The following MLLT3 variants were observed in gnomAD, a reference collection of about 807,000 sequenced individuals.
MLLT3 encodes MLLT3 super elongation complex subunit, also known as protein AF-9.
In MLLT3, 4 loss-of-function variants were observed where a neutral mutation model predicts 53.2. That is an observed-to-expected ratio of 0.08 (90% CI 0.04 to 0.17). The LOEUF is 0.17. Among genes scored for constraint, MLLT3 ranks in the 10% least tolerant of loss-of-function variants. MLLT3 has a pLI of 1.00. For synonymous variants in MLLT3, 283 were observed against 230.6 expected, an observed-to-expected ratio of 1.23 and a Z score of -2.06; for missense variants, 569 against 684.0, an observed-to-expected ratio of 0.83 and a Z score of 1.87.
intron 2 of MLLT3, among the ~76,000 whole-genome samples, chr9:20,614,124 G>A (rs1468142059): frequency 1.3e-5 from 2 of 152,200 alleles, no homozygotes; most frequent in Non-Finnish European, 2.9e-5. Flanking sequence ...GCCGGGCGCG[G>A]TGCCTCATGC....
At chr9:20,398,693 T>C (rs779507415) in intron 5 of MLLT3, among the ~76,000 whole-genome samples, 11 of 152,040 alleles carry the variant, frequency 7.2e-5, no homozygotes, top group Non-Finnish European at 1.0e-4. Context: ...CTATAGGAAA[T>C]AGGGAGGCAG....
chr9:20,603,498 TA>T (rs561849340), intron 2 of MLLT3, among the ~76,000 whole-genome samples: 40 of 152,224 alleles, frequency 2.6e-4, no homozygotes, highest in African/African-American at 9.1e-4. Context: ...ATGTGAGTGA[TA>T]AAAATGCATT....
chr9:20,608,163 C>A (rs1403184435), intron 2 of MLLT3, among the ~76,000 whole-genome samples: 1 of 151,758 alleles, frequency 6.6e-6, no homozygotes, highest in South Asian at 2.1e-4. Flanking sequence ...AAATTATATA[C>A]AAAGATGCAC....
Position 20,509,226 on chromosome 9 carries a change from C to G in MLLT3, c.194-52440G>C, listed in dbSNP as rs202107514. Among the ~76,000 whole-genome samples, 101 of 152,316 alleles carry G rather than the reference C, an allele frequency of 6.6e-4. 2 individuals carry two copies. In the East Asian group the frequency reaches 0.015, roughly 23 times the overall value. On this transcript the variant is annotated intron_variant, in intron 2 of 10. Coordinates refer to ENST00000380338, the MANE Select transcript of MLLT3 (RefSeq NM_004529.4). ...ACCCAGAACATCTGGTAGCACAAAT[C>G]ACTGAAGTCTACCAAAGATGGCAAT...
intron 2 of MLLT3, among the ~76,000 whole-genome samples, chr9:20,485,509 C>T (rs923331348): frequency 2.6e-5 from 4 of 152,120 alleles, no homozygotes; most frequent in African/African-American, 4.8e-5. Context: ...ATCTTATTTT[C>T]GAATAATTCA....
intron 2 of MLLT3, among the ~76,000 whole-genome samples, chr9:20,468,066 T>C (rs1230701959): frequency 1.3e-5 from 2 of 152,178 alleles, no homozygotes; most frequent in African/African-American, 4.8e-5. Context: ...AGTTCCCTCA[T>C]TTACAAAGTG....
chr9:20,503,466 T>C (rs1333180236), intron 2 of MLLT3, among the ~76,000 whole-genome samples: 3 of 152,182 alleles, frequency 2.0e-5, no homozygotes, highest in African/African-American at 2.4e-5. Context: ...CTTCAATAAA[T>C]GGTGTTAGGA....
intron 2 of MLLT3, among the ~76,000 whole-genome samples, chr9:20,468,865 C>G (rs73648219): frequency 0.025 from 3,839 of 152,300 alleles, 151 homozygotes; most frequent in African/African-American, 0.079. Flanking sequence ...AACACCACAT[C>G]TGCTGTTAAC....
At chr9:20,514,939 A>AT (rs35816235) in intron 2 of MLLT3, among the ~76,000 whole-genome samples, 1,037 of 88,690 alleles carry the variant, frequency 0.012, 2 homozygotes, top group Middle Eastern at 0.019. Flanking sequence ...TGAAGGAACA[A>AT]TTTTTTTTTT....
At chr9:20,561,093 C>T (rs1337342069) in intron 2 of MLLT3, among the ~76,000 whole-genome samples, 1 of 152,088 alleles carries the variant, frequency 6.6e-6, no homozygotes, top group African/African-American at 2.4e-5. Context: ...TGTGTGTGTG[C>T]TGCCTCCTGT....
intron 4 of MLLT3, among the ~76,000 whole-genome samples, chr9:20,438,815 G>A (rs1823471697): frequency 6.6e-6 from 1 of 152,078 alleles, no homozygotes; most frequent in South Asian, 2.1e-4. Context: ...GTCACCACAA[G>A]TTCATGTAAA....
At chr9:20,508,871 T>G (rs1446537080) in intron 2 of MLLT3, among the ~76,000 whole-genome samples, 1 of 152,212 alleles carries the variant, frequency 6.6e-6, no homozygotes, top group Non-Finnish European at 1.5e-5. Context: ...CATATGGCTG[T>G]CGTCTCTACA....
chr9:20,416,400 G>C (rs989638793), intron 4 of MLLT3, among the ~76,000 whole-genome samples: 3 of 151,714 alleles, frequency 2.0e-5, no homozygotes, highest in Non-Finnish European at 4.4e-5. Context: ...CTAATGTTAA[G>C]TATTAAAAAA....
chr9:20,593,180 T>G (rs961865728), intron 2 of MLLT3, among the ~76,000 whole-genome samples: 1 of 152,188 alleles, frequency 6.6e-6, no homozygotes, highest in Non-Finnish European at 1.5e-5. Context: ...TTCAATATTG[T>G]AAATTTAAAT....
intron 5 of MLLT3, among the ~76,000 whole-genome samples, chr9:20,377,024 CTG>C: frequency 6.6e-6 from 1 of 152,290 alleles, no homozygotes; most frequent in East Asian, 1.9e-4. Context: ...TATGTTTTAG[CTG>C]TGTTTTCTCT....
intron 2 of MLLT3, among the ~76,000 whole-genome samples, chr9:20,600,446 C>T (rs1208447003): frequency 6.6e-6 from 1 of 152,186 alleles, no homozygotes; most frequent in Non-Finnish European, 1.5e-5. Context: ...TTAACCAACC[C>T]CAACTGGTGT....
At chr9:20,483,958 G>A (rs994326079) in intron 2 of MLLT3, among the ~76,000 whole-genome samples, 7 of 151,488 alleles carry the variant, frequency 4.6e-5, no homozygotes, top group East Asian at 2.0e-4. Flanking sequence ...TGATCCGCCC[G>A]CCTTGGCCTC....
At chr9:20,360,870 T>C in intron 7 of MLLT3, 29 bp from the exon 8 acceptor site, 1 of 1,565,140 alleles carries the variant, frequency 6.4e-7, no homozygotes, top group Non-Finnish European at 8.8e-7. Context: ...GTTATGCACA[T>C]CATTACAAAC....
intron 2 of MLLT3, among the ~76,000 whole-genome samples, chr9:20,597,581 T>C (rs1267058274): frequency 6.6e-6 from 1 of 152,216 alleles, no homozygotes; most frequent in African/African-American, 2.4e-5. Context: ...CTTCTTACTA[T>C]GTTTATTACT....
Sources: gnomAD v4.1 joint callset for allele counts (sites outside exome capture counted in the v4.1 genomes callset) on GRCh38, gnomAD v4.1.1 for gene constraint, MANE v1.5 for transcripts, NCBI Gene and HGNC (gene_info 2026-07-23, HGNC 2026-07-21) for gene names.